AHI1: variants seen among roughly 807,000 people sequenced by gnomAD.
AHI1 encodes the protein Abelson helper integration site 1, also known as jouberin.
In AHI1, 123 loss-of-function variants were observed where a neutral mutation model predicts 149.3. That is an observed-to-expected ratio of 0.82 (90% CI 0.71 to 0.96). The LOEUF is 0.96. AHI1 is among the 40% of genes least tolerant of loss of function. The pLI is 0.00. For synonymous variants in AHI1, 475 were observed against 459.8 expected, an observed-to-expected ratio of 1.03 and a Z score of -0.42; for missense variants, 1,439 against 1,422.7, an observed-to-expected ratio of 1.01 and a Z score of -0.18.
At chr6:135,407,070 T>G (rs1780893752) in intron 21 of AHI1, among the ~76,000 whole-genome samples, 1 of 152,200 alleles carries the variant, frequency 6.6e-6, no homozygotes, top group African/African-American at 2.4e-5. Context: ...AATAATTAAG[T>G]GATTTATATT....
intron 24 of AHI1, among the ~76,000 whole-genome samples, chr6:135,348,943 G>GA (rs1791655026): frequency 6.6e-6 from 1 of 152,018 alleles, no homozygotes; most frequent in Non-Finnish European, 1.5e-5. Flanking sequence ...ATATAAGGAT[G>GA]GTATGAGGCA....
At chr6:135,384,445 A>G (rs1410381606) in intron 23 of AHI1, among the ~76,000 whole-genome samples, 1 of 152,208 alleles carries the variant, frequency 6.6e-6, no homozygotes, top group Non-Finnish European at 1.5e-5. Context: ...TCACAGCATT[A>G]AGCAACAGAA....
chr6:135,425,868 G>C (rs1317901870), intron 20 of AHI1, among the ~76,000 whole-genome samples: 3 of 151,830 alleles, frequency 2.0e-5, no homozygotes, highest in African/African-American at 7.2e-5. Flanking sequence ...ATTGCTTTAA[G>C]AAAAGATAGA....
rs140836078 is a variant in AHI1, at chr6:135,466,201, T to C, written c.362A>G (p.Lys121Arg). ...PNGDASVEED[K>R]QGKPNKKVIK... is the part of the protein sequence containing the mutation. The stretch of plus-strand genomic sequence containing the variant: ...CACCTTTTTATTTGGCTTTCCTTGT[T>C]TGTCTTCCTCTACACTAGCATCACC... Residue 121 changes from lysine (K) to arginine (R), a missense_variant, in exon 7 of 29, where the codon AAA becomes AGA. Physicochemically the swap from Lys to Arg is conservative, Grantham distance 26 (BLOSUM62 2). Transcript: ENST00000265602. 1.2e-5 allele frequency: 19 copies of C among 1,613,888 alleles called. 2 individuals carry two copies. In the African/African-American group the frequency reaches 2.3e-4, roughly 19 times the overall value.
chr6:135,322,823 G>A (rs1460257658), intron 25 of AHI1, among the ~76,000 whole-genome samples: 1 of 152,194 alleles, frequency 6.6e-6, no homozygotes, highest in Admixed American at 6.5e-5. Flanking sequence ...ATGCCAGTCA[G>A]CTGAGGAGGC....
At chr6:135,492,324 G>A in intron 3 of AHI1, 33 bp from the exon 4 acceptor site, 4 of 1,467,852 alleles carry the variant, frequency 2.7e-6, no homozygotes, top group Non-Finnish European at 3.6e-6. Flanking sequence ...TTTGTAATAT[G>A]GAACTTCCAA....
intron 11 of AHI1, among the ~76,000 whole-genome samples, chr6:135,451,128 C>T (rs140481159): frequency 0.024 from 3,599 of 152,134 alleles, 69 homozygotes; most frequent in Non-Finnish European, 0.037. Context: ...TCCCGAGTAG[C>T]TGGGATTACA....
At chr6:135,344,586 C>T (rs1210249146) in intron 24 of AHI1, among the ~76,000 whole-genome samples, 1 of 151,700 alleles carries the variant, frequency 6.6e-6, no homozygotes, top group Non-Finnish European at 1.5e-5. Context: ...ATTTTCCAAA[C>T]CAAATATAGA....
At chr6:135,303,114 A>T (rs1488549812) in intron 26 of AHI1, among the ~76,000 whole-genome samples, 1 of 152,240 alleles carries the variant, frequency 6.6e-6, no homozygotes, top group African/African-American at 2.4e-5. Flanking sequence ...GATAGTTAAC[A>T]TAAAATAAAT....
At chr6:135,488,957 T>C (rs892209165) in intron 5 of AHI1, among the ~76,000 whole-genome samples, 3 of 152,304 alleles carry the variant, frequency 2.0e-5, no homozygotes, top group Admixed American at 6.5e-5. Context: ...AGTTTTCTCC[T>C]GTACAGAAAT....
intron 22 of AHI1, among the ~76,000 whole-genome samples, chr6:135,397,122 G>A (rs1481735375): frequency 6.6e-6 from 1 of 151,828 alleles, no homozygotes; most frequent in East Asian, 1.9e-4. Context: ...GATGAGAGCA[G>A]CAACGTAACA....
At chr6:135,372,564 G>A (rs1169799681) in intron 23 of AHI1, among the ~76,000 whole-genome samples, 2 of 151,812 alleles carry the variant, frequency 1.3e-5, no homozygotes, top group Non-Finnish European at 2.9e-5. Context: ...GGGTGTGCAT[G>A]TGTAGTCCAG....
At chr6:135,489,559 A>G (rs1039981912) in intron 5 of AHI1, among the ~76,000 whole-genome samples, 2 of 152,124 alleles carry the variant, frequency 1.3e-5, no homozygotes, top group East Asian at 1.9e-4. Context: ...TTCATCCTCC[A>G]TGTCACTATT....
intron 24 of AHI1, among the ~76,000 whole-genome samples, chr6:135,338,838 G>A (rs938693388): frequency 2.0e-5 from 3 of 152,064 alleles, no homozygotes; most frequent in Non-Finnish European, 4.4e-5. Flanking sequence ...TGGGTCTGGA[G>A]CACCTCTAAA....
intron 2 of AHI1, 150 bp from the exon 3 acceptor site, chr6:135,496,048 T>A (rs751842250): frequency 1.3e-5 from 2 of 152,074 alleles, no homozygotes; most frequent in Non-Finnish European, 2.9e-5. Context: ...AACAGCTTAA[T>A]ACACAACTAA....
At chr6:135,298,756 A>G (rs1173228502) in intron 27 of AHI1, among the ~76,000 whole-genome samples, 1 of 152,184 alleles carries the variant, frequency 6.6e-6, no homozygotes, top group Non-Finnish European at 1.5e-5. Context: ...CTATACTGAC[A>G]TCCTTTAGAA....
intron 11 of AHI1, among the ~76,000 whole-genome samples, chr6:135,452,550 T>C (rs1788288106): frequency 6.6e-6 from 1 of 152,200 alleles, no homozygotes; most frequent in South Asian, 2.1e-4. Context: ...AGAGTATATA[T>C]CTTTCTAAAA....
intron 8 of AHI1, 122 bp downstream of exon 8, chr6:135,463,003 T>G (rs547238224): frequency 4.2e-6 from 3 of 717,772 alleles, no homozygotes; most frequent in Non-Finnish European, 6.5e-6. Flanking sequence ...CAAGAACAAG[T>G]ACCAAATATC....
At chr6:135,406,590 TGTTA>T (rs996684466) in intron 21 of AHI1, among the ~76,000 whole-genome samples, 3 of 152,206 alleles carry the variant, frequency 2.0e-5, no homozygotes, top group African/African-American at 7.2e-5. Flanking sequence ...ATTAAGCAGA[TGTTA>T]GTTATCATTA....
Sources: gnomAD v4.1 joint callset for allele counts (sites outside exome capture counted in the v4.1 genomes callset) on GRCh38, gnomAD v4.1.1 for gene constraint, MANE v1.5 for transcripts, NCBI Gene and HGNC (gene_info 2026-07-23, HGNC 2026-07-21) for gene names.